GUCY1A2: variants seen among roughly 807,000 people sequenced by gnomAD.
GUCY1A2 encodes the protein guanylate cyclase soluble subunit alpha-2.
In GUCY1A2, 27 loss-of-function variants were observed where a neutral mutation model predicts 63.5. The observed-to-expected ratio is 0.43, with a 90% CI of 0.31 to 0.59. The LOEUF (loss-of-function observed/expected upper bound fraction) is 0.59. Ranked by LOEUF, GUCY1A2 falls within the 20% of genes least tolerant of loss-of-function variation. The pLI is 0.11. For synonymous variants in GUCY1A2, 364 were observed against 343.5 expected, an observed-to-expected ratio of 1.06 and a Z score of -0.66; for missense variants, 768 against 913.3, an observed-to-expected ratio of 0.84 and a Z score of 2.05.
intron 3 of GUCY1A2, among the ~76,000 whole-genome samples, chr11:106,964,300 T>A (rs1861098875): frequency 6.6e-6 from 1 of 152,242 alleles, no homozygotes; most frequent in Admixed American, 6.5e-5. Context: ...GTTTCCTTTC[T>A]TCAAGAATAC....
At position 106,677,860 on chromosome 11, in the gene GUCY1A2, A is replaced by C. The variant is rs1436821955; in HGVS notation, c.*9689T>G. On this transcript the variant is annotated 3_prime_UTR_variant, in exon 8 of 8. Coordinates refer to ENST00000526355, the MANE Select transcript of GUCY1A2 (RefSeq NM_000855.3). ...CCAACTAAATATTTCATACATGTTC[A>C]TAAAATGGGACTCCTCCTATAGCCA... is the stretch of plus-strand genomic sequence containing the variant. The C allele has an allele frequency of 4.9e-6, 1 of 204,712 alleles. No individual in the cohort carries two copies. The highest frequency in any genetic ancestry group is 2.3e-5 in the African/African-American group (1 of 43,744). The allele number at this position is 204,712 out of a possible 1,614,324, so 12.7% of individuals were successfully genotyped here. A position where few individuals can be genotyped will look rare whatever the true frequency, so the allele number is the denominator to read the frequency against.
At chr11:106,853,358 T>A (rs1379387587) in intron 4 of GUCY1A2, among the ~76,000 whole-genome samples, 1 of 152,016 alleles carries the variant, frequency 6.6e-6, no homozygotes, top group Non-Finnish European at 1.5e-5. Flanking sequence ...TTTTTTTGGT[T>A]TTTTGTTTTT....
rs1004067210 is a variant in GUCY1A2, at chr11:106,800,214, C to T, written c.1692+9779G>A. Among the ~76,000 whole-genome samples the T allele has an allele frequency of 5.9e-5, 9 of 152,102 alleles. 1 individual carries two copies. The highest frequency in any genetic ancestry group is 7.2e-5 in the African/African-American group (3 of 41,510). On this transcript the variant is annotated intron_variant, in intron 5 of 7. Coordinates refer to ENST00000526355, the MANE Select transcript of GUCY1A2 (RefSeq NM_000855.3). ...TACCATCTCATACCAGTTAGAATGG[C>T]GATCATTAAACAGTCAGGAAACAAC...
intron 4 of GUCY1A2, among the ~76,000 whole-genome samples, chr11:106,857,761 T>C (rs1465808099): frequency 6.6e-6 from 1 of 152,222 alleles, no homozygotes; most frequent in Non-Finnish European, 1.5e-5. Flanking sequence ...AAATACAGTA[T>C]AGCAACTATT....
At chr11:106,999,875 C>T (rs114843301) in intron 1 of GUCY1A2, among the ~76,000 whole-genome samples, 6,190 of 152,236 alleles carry the variant, frequency 0.041, 216 homozygotes, top group African/African-American at 0.095. Context: ...TTTTTCTAAA[C>T]AGTCAAGAAA....
intron 1 of GUCY1A2, among the ~76,000 whole-genome samples, chr11:107,011,570 CATAT>C (rs560005592): frequency 3.5e-5 from 5 of 143,996 alleles, no homozygotes; most frequent in South Asian, 2.1e-4. Context: ...AATATATACA[CATAT>C]ATATTTATAA....
intron 5 of GUCY1A2, among the ~76,000 whole-genome samples, chr11:106,778,556 G>C (rs755611760): frequency 2.6e-5 from 4 of 152,066 alleles, no homozygotes; most frequent in Non-Finnish European, 2.9e-5. Context: ...AGCTACTCGG[G>C]AGACTGAGGT....
intron 5 of GUCY1A2, among the ~76,000 whole-genome samples, chr11:106,794,573 G>A (rs1357093431): frequency 6.6e-6 from 1 of 151,938 alleles, no homozygotes; most frequent in East Asian, 1.9e-4. Context: ...TAATTTGATT[G>A]TAATAATCAT....
intron 1 of GUCY1A2, among the ~76,000 whole-genome samples, chr11:107,007,794 T>C (rs558441016): frequency 1.3e-5 from 2 of 152,230 alleles, no homozygotes; most frequent in East Asian, 3.9e-4. Flanking sequence ...GTTTGTAGAA[T>C]TGTATTTAAT....
In GUCY1A2 at chr11:106,691,884, A is replaced by G. The variant is rs956259873; in HGVS notation, c.1992-4128T>C. Among the ~76,000 whole-genome samples the G allele has an allele frequency of 2.6e-5, 4 of 152,214 alleles. No individual in the cohort carries two copies. In the East Asian group the frequency reaches 7.7e-4, roughly 29 times the overall value. On this transcript the variant is annotated intron_variant, in intron 7 of 7. Transcript: ENST00000526355. ...GTATTTATTACAGCAGACTTTGTAG[A>G]TAAGAACACTGAAGTGCAATATTCA...
In GUCY1A2 at chr11:106,959,099, G is replaced by A. The variant is rs368094265; in HGVS notation, c.488-18921C>T. Among the ~76,000 whole-genome samples the A allele has an allele frequency of 5.9e-5, 9 of 152,230 alleles. No homozygotes were observed. The South Asian group carries it at 1.2e-3, about 21-fold the overall frequency. The stretch of plus-strand genomic sequence containing the variant: ...GGAGCAACTATTCATATTCGTTACG[G>A]TCTCAAAGTAGATCTCACAGAACAC... On this transcript the variant is annotated intron_variant, in intron 3 of 7. Transcript: ENST00000526355.
chr11:106,770,209 C>T (rs1425021973), intron 6 of GUCY1A2, among the ~76,000 whole-genome samples: 1 of 152,088 alleles, frequency 6.6e-6, no homozygotes, highest in Non-Finnish European at 1.5e-5. Context: ...AACCTATGGA[C>T]ATCCTACCAC....
chr11:106,891,282 C>A (rs116567933), intron 4 of GUCY1A2, among the ~76,000 whole-genome samples: 47 of 152,114 alleles, frequency 3.1e-4, no homozygotes, highest in African/African-American at 1.1e-3. Flanking sequence ...CAAGCCTTTG[C>A]TTTTATTTAA....
chr11:106,992,319 A>G (rs1220734223), intron 1 of GUCY1A2, among the ~76,000 whole-genome samples: 4 of 149,240 alleles, frequency 2.7e-5, no homozygotes, highest in Non-Finnish European at 4.4e-5. Flanking sequence ...TACAAAAAGA[A>G]TATGTCTTTT....
chr11:106,770,827 C>T (rs191056340), intron 6 of GUCY1A2, among the ~76,000 whole-genome samples: 193 of 65,432 alleles, frequency 2.9e-3, no homozygotes, highest in African/African-American at 0.011. Flanking sequence ...ATGTGTTTAG[C>T]AATCTCAATT....
Position 106,702,658 on chromosome 11 carries a change from A to G in GUCY1A2, c.1991+5854T>C, listed in dbSNP as rs147103851. Among the ~76,000 whole-genome samples the G allele has an allele frequency of 7.4e-3, 1,133 of 152,130 alleles. 8 individuals are homozygous for G. The highest frequency in any genetic ancestry group is 0.037 in the Middle Eastern group (11 of 294). Reference sequence around the variant, plus strand: ...TTACAGGCCAGAGGTCTCATTTGTGAAAGTTCTTTTTCCTCCCTAGATTTT... The same window carrying G: ...TTACAGGCCAGAGGTCTCATTTGTGGAAGTTCTTTTTCCTCCCTAGATTTT... On this transcript the variant is annotated intron_variant, in intron 7 of 7. Coordinates refer to ENST00000526355, the MANE Select transcript of GUCY1A2 (RefSeq NM_000855.3).
At chr11:106,789,783 A>G (rs1405695943) in intron 5 of GUCY1A2, among the ~76,000 whole-genome samples, 1 of 152,174 alleles carries the variant, frequency 6.6e-6, no homozygotes, top group African/African-American at 2.4e-5. Flanking sequence ...GTGGTCTTGG[A>G]TAAGACCCAG....
At chr11:106,953,151 T>C (rs1360034903) in intron 3 of GUCY1A2, among the ~76,000 whole-genome samples, 1 of 152,200 alleles carries the variant, frequency 6.6e-6, no homozygotes, top group Non-Finnish European at 1.5e-5. Flanking sequence ...TTCCATATGA[T>C]ATTGGCTGTG....
rs1386735283 is a variant in GUCY1A2 at position 106,684,821 on chromosome 11, G to C, written c.*2728C>G. 2.9e-5 allele frequency: 6 copies of C among 209,702 alleles called. No homozygotes were observed. Among genetic ancestry groups the C allele is most frequent in the Non-Finnish European group, 4.8e-5 (5 of 103,158 alleles). The allele number at this position is 209,702 out of a possible 1,614,324, so 13.0% of individuals were successfully genotyped here. The stretch of plus-strand genomic sequence containing the variant: ...ACTAAAATGCATGCTGTTGGTAATA[G>C]TTTGTAAGTAAGTGAGAATACTGTA... On this transcript the variant is annotated 3_prime_UTR_variant, in exon 8 of 8. Coordinates refer to ENST00000526355, the MANE Select transcript of GUCY1A2 (RefSeq NM_000855.3).
Sources: gnomAD v4.1 joint callset for allele counts (sites outside exome capture counted in the v4.1 genomes callset) on GRCh38, gnomAD v4.1.1 for gene constraint, MANE v1.5 for transcripts, NCBI Gene and HGNC (gene_info 2026-07-23, HGNC 2026-07-21) for gene names.